The following ADGRL3 variants were observed in gnomAD, a reference collection of about 807,000 sequenced individuals.
ADGRL3 encodes the protein calcium-independent alpha-latrotoxin receptor 3.
A neutral mutation model predicts 153.5 loss-of-function variants in ADGRL3; 62 were observed. That is an observed-to-expected ratio of 0.40 (90% CI 0.33 to 0.50). The LOEUF is 0.50. ADGRL3 is among the 20% of genes least tolerant of loss of function. The pLI, the probability that ADGRL3 is intolerant of heterozygous loss-of-function variation, is 0.47. For missense variants in ADGRL3, 1,641 were observed against 1,859.4 expected, an observed-to-expected ratio of 0.88 and a Z score of 2.16; for synonymous variants, 710 against 672.5, an observed-to-expected ratio of 1.06 and a Z score of -0.86.
intron 9 of ADGRL3, among the ~76,000 whole-genome samples, chr4:61,866,703 T>C (rs2098402290): frequency 1.3e-5 from 2 of 152,292 alleles, no homozygotes; most frequent in Admixed American, 6.5e-5. Context: ...ATACAGCCAG[T>C]GCTTTCTCTG....
chr4:61,694,911 A>G (rs899288522), intron 6 of ADGRL3, among the ~76,000 whole-genome samples: 3 of 152,284 alleles, frequency 2.0e-5, no homozygotes, highest in Non-Finnish European at 4.4e-5. Flanking sequence ...CCATCTCAAC[A>G]TCTGCTGTTT....
chr4:61,407,976 C>T (rs190453134), intron 2 of ADGRL3, among the ~76,000 whole-genome samples: 56 of 152,162 alleles, frequency 3.7e-4, no homozygotes, highest in Middle Eastern at 3.4e-3. Context: ...GGAAAAACAG[C>T]TATCTAAATA....
At chr4:61,217,512 A>G (rs1743347300) in intron 1 of ADGRL3, among the ~76,000 whole-genome samples, 1 of 152,198 alleles carries the variant, frequency 6.6e-6, no homozygotes, top group African/African-American at 2.4e-5. Context: ...ACAAATCTGA[A>G]GTTTTCCTTT....
intron 23 of ADGRL3, 130 bp from the exon 24 acceptor site, chr4:62,037,601 A>G: frequency 1.0e-6 from 1 of 1,000,252 alleles, no homozygotes; most frequent in South Asian, 1.5e-5. Context: ...TATGCTGAAC[A>G]GACTTTCTTA....
chr4:61,372,298 G>T (rs2096542896), intron 1 of ADGRL3, among the ~76,000 whole-genome samples: 1 of 152,142 alleles, frequency 6.6e-6, no homozygotes, highest in Admixed American at 6.5e-5. Context: ...TGGAGGAGCA[G>T]AGGCGCTCTG....
intron 6 of ADGRL3, among the ~76,000 whole-genome samples, chr4:61,692,592 G>GC (rs889929875): frequency 6.6e-6 from 1 of 151,672 alleles, no homozygotes; most frequent in Non-Finnish European, 1.5e-5. Context: ...ACAGGCACCT[G>GC]CCCCCCATGC....
At chr4:61,280,720 A>T (rs1331391328) in intron 1 of ADGRL3, among the ~76,000 whole-genome samples, 2 of 152,184 alleles carry the variant, frequency 1.3e-5, no homozygotes, top group Admixed American at 1.3e-4. Context: ...TAGATAATTA[A>T]CTTCAGAAGT....
At chr4:61,555,364 C>T (rs1248151744) in intron 4 of ADGRL3, among the ~76,000 whole-genome samples, 4 of 152,082 alleles carry the variant, frequency 2.6e-5, no homozygotes, top group Non-Finnish European at 5.9e-5. Flanking sequence ...GTTTATCTCC[C>T]ACCTAAAAGA....
At chr4:61,915,250 A>T (rs938539509) in intron 13 of ADGRL3, among the ~76,000 whole-genome samples, 4 of 148,708 alleles carry the variant, frequency 2.7e-5, no homozygotes, top group African/African-American at 9.8e-5. Context: ...GTGTGTTTAT[A>T]TACATATACA....
chr4:61,688,236 A>T (rs1400403786), intron 6 of ADGRL3, among the ~76,000 whole-genome samples: 2 of 152,130 alleles, frequency 1.3e-5, no homozygotes, highest in Non-Finnish European at 2.9e-5. Context: ...TTCTTAGTAT[A>T]TCTCTATGGC....
At chr4:61,906,520 A>T (rs1376202840) in intron 11 of ADGRL3, 1 of 152,124 alleles carries the variant, frequency 6.6e-6, no homozygotes, top group African/African-American at 2.4e-5. Context: ...AACATCCTTG[A>T]ACATTTCTCT....
At chr4:61,415,967 A>G (rs956242962) in intron 2 of ADGRL3, among the ~76,000 whole-genome samples, 2 of 152,074 alleles carry the variant, frequency 1.3e-5, no homozygotes, top group Non-Finnish European at 2.9e-5. Context: ...CAAAAGTATT[A>G]CGTCTTTTAA....
At chr4:61,836,953 G>T (rs2097945756) in intron 9 of ADGRL3, among the ~76,000 whole-genome samples, 1 of 152,176 alleles carries the variant, frequency 6.6e-6, no homozygotes, top group Admixed American at 6.5e-5. Flanking sequence ...GGATAAGAAA[G>T]GTCACCACTG....
At chr4:61,371,896 A>G (rs900212064) in intron 1 of ADGRL3, among the ~76,000 whole-genome samples, 2 of 152,114 alleles carry the variant, frequency 1.3e-5, no homozygotes, top group Non-Finnish European at 2.9e-5. Context: ...GTCTTTTCAC[A>G]TAGTCCCATA....
In ADGRL3 at chr4:61,998,205, A is replaced by G. The variant is rs1183484815; in HGVS notation, c.3335A>G (p.Tyr1112Cys). Residue 1112 changes from tyrosine (Y) to cysteine (C), a missense_variant, in exon 21 of 27, where the codon TAT becomes TGT. This residue lies in a region of ADGRL3 where 517 missense variants were observed against 555.0 expected (regional missense o/e 0.93). Transcript: ENST00000683033. ...GTAATCTTCCTTGGGATTGCTTTATATAAAATGTTTCATCATACTGCTATA... is the reference window on the plus strand; with the variant it reads ...GTAATCTTCCTTGGGATTGCTTTATGTAAAATGTTTCATCATACTGCTATA... ...LNVIFLGIALYKMFHHTAILK... is the reference protein window; with the variant it reads ...LNVIFLGIALCKMFHHTAILK... The G allele has an allele frequency of 5.7e-6, 9 of 1,585,510 alleles. No homozygotes were observed. The highest frequency in any genetic ancestry group is 2.6e-6 in the Non-Finnish European group (3 of 1,165,668).
intron 5 of ADGRL3, among the ~76,000 whole-genome samples, chr4:61,670,771 G>A (rs991473865): frequency 6.6e-6 from 1 of 152,190 alleles, no homozygotes; most frequent in Non-Finnish European, 1.5e-5. Flanking sequence ...CCCCCCAGGG[G>A]TGTTGTGTTT....
chr4:61,860,148 G>A (rs1476711536), intron 9 of ADGRL3, among the ~76,000 whole-genome samples: 1 of 152,054 alleles, frequency 6.6e-6, no homozygotes, highest in African/African-American at 2.4e-5. Flanking sequence ...GGTTGGCTGG[G>A]CATTGGTAAA....
At chr4:61,309,359 C>A (rs1469960061) in intron 1 of ADGRL3, among the ~76,000 whole-genome samples, 1 of 152,042 alleles carries the variant, frequency 6.6e-6, no homozygotes, top group Non-Finnish European at 1.5e-5. Context: ...CTCTATCAAG[C>A]CTCTACAAAT....
chr4:61,308,662 A>G (rs1167358903), intron 1 of ADGRL3, among the ~76,000 whole-genome samples: 1 of 152,222 alleles, frequency 6.6e-6, no homozygotes, highest in East Asian at 1.9e-4. Flanking sequence ...TTGTAGTTTA[A>G]TTAAAAATGG....
Sources: allele counts gnomAD v4.1 joint callset (sites outside exome capture counted in the v4.1 genomes callset), GRCh38; gene constraint gnomAD v4.1.1; regional missense constraint gnomAD v4.1.1; transcripts MANE v1.5; gene names NCBI Gene and HGNC (gene_info 2026-07-23, HGNC 2026-07-21).